The following PLCB1 variants were observed in gnomAD, a reference collection of about 807,000 sequenced individuals.
PLCB1 encodes the protein phospholipase C beta 1.
In PLCB1, 46 loss-of-function variants were observed where a neutral mutation model predicts 161.8. The observed-to-expected ratio is 0.28, with a 90% confidence interval of 0.22 to 0.36. The LOEUF is 0.36. Ranked by LOEUF, PLCB1 falls within the 10% of genes least tolerant of loss-of-function variation. The pLI is 1.00. For synonymous variants in PLCB1, 517 were observed against 503.7 expected (o/e 1.03, Z -0.35); for missense variants, 1,016 against 1,472.5 (o/e 0.69, Z 5.07).
chr20:8,391,583 A>G (rs1381172320), intron 3 of PLCB1, among the ~76,000 whole-genome samples: 2 of 151,822 alleles, frequency 1.3e-5, no homozygotes, highest in Non-Finnish European at 2.9e-5. Context: ...GAACCCAGGA[A>G]GGTTTATTGG....
intron 23 of PLCB1, 122 bp downstream of exon 23, chr20:8,741,695 C>T (rs1980890315): frequency 3.1e-6 from 2 of 637,298 alleles, no homozygotes; most frequent in East Asian, 2.9e-5. Flanking sequence ...ACAACACTTT[C>T]ATGCAGTTTA....
Position 8,132,566 on chromosome 20 carries a change from G to GCCCGCGCCCCGCGC in PLCB1, c.-71_-58dup, listed in dbSNP as rs557757528. The GCCCGCGCCCCGCGC allele has an allele frequency of 7.3e-6, 6 of 825,330 alleles. No individual in the cohort carries two copies. The highest frequency in any genetic ancestry group is 4.2e-5 in the Admixed American group (1 of 23,672). 51.1% of individuals were successfully genotyped at this position (825,330 alleles called of 1,614,324 possible). A position where few individuals can be genotyped will look rare whatever the true frequency, so the allele number is the denominator to read the frequency against. ...GAGCGCCTCCGGAGCAGAGAAAGGAGCCCGCGCCCCGCGCCCCGCGCCCCG... is the reference window on the plus strand; with the variant it reads ...GAGCGCCTCCGGAGCAGAGAAAGGAGCCCGCGCCCCGCGCCCCGCGCCCCGCGCCCCGCGCCCCG... On this transcript the variant is annotated 5_prime_UTR_variant, in exon 1 of 32. An upstream open reading frame in the 5' UTR gains an earlier in-frame stop. Transcript: ENST00000338037. The surrounding 1 kb of genome is among the most constrained non-coding windows in gnomAD (Gnocchi z 5.2).
intron 2 of PLCB1, among the ~76,000 whole-genome samples, chr20:8,289,763 A>G (rs1026994936): frequency 3.9e-5 from 6 of 152,186 alleles, no homozygotes; most frequent in African/African-American, 7.2e-5. Context: ...GGAATCTTGA[A>G]CGAGCATGAC....
intron 2 of PLCB1, among the ~76,000 whole-genome samples, chr20:8,319,430 C>T (rs964053553): frequency 4.6e-5 from 7 of 151,908 alleles, no homozygotes; most frequent in South Asian, 2.1e-4. Flanking sequence ...TTCACATGGT[C>T]GCTGGGCAGG....
chr20:8,769,321 G>A (rs1982544820), intron 26 of PLCB1, among the ~76,000 whole-genome samples: 1 of 151,810 alleles, frequency 6.6e-6, no homozygotes, highest in Non-Finnish European at 1.5e-5. Context: ...AAAAAAAAGT[G>A]TATCGTTTAG....
chr20:8,618,610 T>A (rs57528257), intron 3 of PLCB1, among the ~76,000 whole-genome samples: 10,520 of 152,220 alleles, frequency 0.069, 814 homozygotes, highest in African/African-American at 0.19. Context: ...CAAGACAATT[T>A]TTTTCTTATT....
At chr20:8,300,543 T>TTTTTTA (rs1555796434) in intron 2 of PLCB1, among the ~76,000 whole-genome samples, 2 of 152,242 alleles carry the variant, frequency 1.3e-5, no homozygotes, top group African/African-American at 4.8e-5. Flanking sequence ...AAGTGGTTTT[T>TTTTTTA]TTTTATTATT....
At chr20:8,526,322 T>G (rs1168801419) in intron 3 of PLCB1, among the ~76,000 whole-genome samples, 1 of 152,158 alleles carries the variant, frequency 6.6e-6, no homozygotes, top group Non-Finnish European at 1.5e-5. Context: ...ATGATGTTTC[T>G]TTGATGTATG....
intron 9 of PLCB1, among the ~76,000 whole-genome samples, chr20:8,666,467 A>G (rs557145621): frequency 1.3e-5 from 2 of 152,324 alleles, no homozygotes; most frequent in East Asian, 1.9e-4. Flanking sequence ...CTGCCAACCT[A>G]TCACGTTATT....
chr20:8,663,208 GATATACACACAACATAT>G (rs1296753580), intron 9 of PLCB1, among the ~76,000 whole-genome samples: 3 of 151,208 alleles, frequency 2.0e-5, no homozygotes, highest in Non-Finnish European at 2.9e-5. Context: ...ACACAACATA[GATATACACACAACATAT>G]AGTTGTGTGT....
intron 2 of PLCB1, among the ~76,000 whole-genome samples, chr20:8,311,259 G>A (rs551414187): frequency 1.6e-4 from 24 of 152,146 alleles, no homozygotes; most frequent in Admixed American, 3.3e-4. Context: ...TAGAGTGATC[G>A]TTATCAAAGA....
At chr20:8,192,524 T>TTTA (rs11471923) in intron 2 of PLCB1, among the ~76,000 whole-genome samples, 16 of 151,620 alleles carry the variant, frequency 1.1e-4, no homozygotes, top group African/African-American at 3.9e-4. Flanking sequence ...TTTTTTTTTT[T>TTTA]AAGAATGCAA....
intron 31 of PLCB1, among the ~76,000 whole-genome samples, chr20:8,827,771 T>C (rs866877703): frequency 6.6e-6 from 1 of 152,316 alleles, no homozygotes; most frequent in South Asian, 2.1e-4. Flanking sequence ...TTTGAACGGA[T>C]TGAAAAATAA....
intron 2 of PLCB1, among the ~76,000 whole-genome samples, chr20:8,202,648 C>T (rs1030652167): frequency 1.3e-5 from 2 of 152,114 alleles, no homozygotes; most frequent in Admixed American, 6.5e-5. Context: ...TTAATTCAAT[C>T]GCATATGTTG....
At chr20:8,663,832 CAATGA>C (rs1300491184) in intron 9 of PLCB1, among the ~76,000 whole-genome samples, 1 of 152,102 alleles carries the variant, frequency 6.6e-6, no homozygotes, top group Non-Finnish European at 1.5e-5. Context: ...CAGGAATATG[CAATGA>C]CCCCTGCCTC....
At chr20:8,258,861 C>T (rs1206994812) in intron 2 of PLCB1, among the ~76,000 whole-genome samples, 2 of 151,962 alleles carry the variant, frequency 1.3e-5, no homozygotes, top group East Asian at 1.9e-4. Context: ...TACAGTTGTG[C>T]GAGTCTTAAC....
intron 23 of PLCB1, chr20:8,750,914 A>G: frequency 2.5e-6 from 3 of 1,218,416 alleles, no homozygotes; most frequent in Non-Finnish European, 3.3e-6. Flanking sequence ...TGCTGTCATA[A>G]GGTAAAAAGA....
At chr20:8,530,530 C>A (rs6055882) in intron 3 of PLCB1, among the ~76,000 whole-genome samples, 98,893 of 151,914 alleles carry the variant, frequency 0.65, 32,694 homozygotes, top group African/African-American at 0.77. Flanking sequence ...ATTTAAACTA[C>A]ATTGCATTAT....
At chr20:8,520,636 A>G (rs892687475) in intron 3 of PLCB1, among the ~76,000 whole-genome samples, 3 of 152,204 alleles carry the variant, frequency 2.0e-5, no homozygotes, top group South Asian at 2.1e-4. Flanking sequence ...TGTCACCCCA[A>G]AAATTCCATG....
Sources: gnomAD v4.1 joint callset for allele counts (sites outside exome capture counted in the v4.1 genomes callset) on GRCh38, gnomAD v4.1.1 for gene constraint, Gnocchi (gnomAD v3.1) non-coding constraint, MANE v1.5 for transcripts, NCBI Gene and HGNC (gene_info 2026-07-23, HGNC 2026-07-21) for gene names.